The following SV2B variants were observed in gnomAD, a reference collection of about 807,000 sequenced individuals.
The protein encoded by SV2B is synaptic vesicle glycoprotein 2B.
In SV2B, 41 loss-of-function variants were observed where a neutral mutation model predicts 73.9. That is an observed-to-expected ratio of 0.56 (90% CI 0.43 to 0.72). The LOEUF (loss-of-function observed/expected upper bound fraction) is 0.72, where lower values mean the gene tolerates loss of function less well. SV2B is among the 30% of genes least tolerant of loss of function. The pLI is 0.00. For synonymous variants in SV2B, 314 were observed against 314.2 expected, an observed-to-expected ratio of 1.00 and a Z score of 0.01; for missense variants, 764 against 857.8, an observed-to-expected ratio of 0.89 and a Z score of 1.37.
At position 91,296,234 on chromosome 15, in the gene SV2B, G is replaced by A. The variant is rs1419662748; in HGVS notation, c.*3682G>A. 1 of 152,276 alleles carries A rather than the reference G, an allele frequency of 6.6e-6. No individual in the cohort carries two copies. The highest frequency in any genetic ancestry group is 2.4e-5 in the African/African-American group (1 of 41,472). The allele number at this position is 152,276 out of a possible 1,614,324, so 9.4% of individuals were successfully genotyped here. Reference sequence around the variant, plus strand: ...GGGGTAAGAATCCCCGTAGCCCTGGGAAAGGTGTCTCCACTTCCACATCTG... The same window carrying A: ...GGGGTAAGAATCCCCGTAGCCCTGGAAAAGGTGTCTCCACTTCCACATCTG... On this transcript the variant is annotated 3_prime_UTR_variant, in exon 13 of 13. Transcript: ENST00000394232.
chr15:91,249,580 C>T (rs920266889), intron 2 of SV2B, among the ~76,000 whole-genome samples: 3 of 151,994 alleles, frequency 2.0e-5, no homozygotes, highest in Non-Finnish European at 2.9e-5. Flanking sequence ...GTTAAAGGAT[C>T]GAGTTGGTTT....
chr15:91,226,097 A>G lies in SV2B; in HGVS notation c.-167A>G, dbSNP rs1249760616. ...TCTTTGCACAAATCTGGTTGATTTG[A>G]GAGATAAAGGGGGGGGGAACCAGTG... is the stretch of plus-strand genomic sequence containing the variant. On this transcript the variant is annotated 5_prime_UTR_variant, in exon 2 of 13. Transcript: ENST00000394232. 2 of 655,560 alleles carry G rather than the reference A, an allele frequency of 3.1e-6. No homozygotes were observed. The highest frequency in any genetic ancestry group is 3.7e-5 in the African/African-American group (2 of 54,704). 40.6% of individuals were successfully genotyped at this position (655,560 alleles called of 1,614,324 possible). A position where few individuals can be genotyped will look rare whatever the true frequency, so the allele number is the denominator to read the frequency against.
intron 2 of SV2B, among the ~76,000 whole-genome samples, chr15:91,244,836 A>G (rs2047161840): frequency 6.6e-6 from 1 of 152,204 alleles, no homozygotes; most frequent in African/African-American, 2.4e-5. Context: ...TATAGATGCA[A>G]TGGAAATGGT....
chr15:91,252,083 A>G lies in SV2B; in HGVS notation c.632+84A>G. ...TATTCTAGCTCCAAGAGGTAACTCTAGAAACCCTTGGACTGACTGAGTTTT... is the reference window on the plus strand; with the variant it reads ...TATTCTAGCTCCAAGAGGTAACTCTGGAAACCCTTGGACTGACTGAGTTTT... On this transcript the variant is annotated intron_variant, in intron 3 of 12. Transcript: ENST00000394232. This position sits in a 1 kb window ranked among gnomAD's most constrained non-coding sequence, Gnocchi z 4.6. 1.3e-6 allele frequency: 2 copies of G among 1,525,942 alleles called. No homozygotes were observed. Among genetic ancestry groups the G allele is most frequent in the Non-Finnish European group, 1.8e-6 (2 of 1,127,798 alleles). 94.5% of individuals were successfully genotyped at this position (1,525,942 alleles called of 1,614,324 possible).
chr15:91,274,932 T>C (rs572335277), intron 9 of SV2B, among the ~76,000 whole-genome samples: 71 of 152,288 alleles, frequency 4.7e-4, no homozygotes, highest in African/African-American at 1.6e-3. Flanking sequence ...AAGTTTACTA[T>C]CTGATATTAT....
intron 1 of SV2B, among the ~76,000 whole-genome samples, chr15:91,181,191 G>C (rs2044542576): frequency 6.6e-6 from 1 of 152,240 alleles, no homozygotes; most frequent in South Asian, 2.1e-4. Context: ...TTCAGCAGCA[G>C]TGTCTGCATA....
At chr15:91,274,745 C>A (rs1408049547) in intron 9 of SV2B, among the ~76,000 whole-genome samples, 2 of 152,102 alleles carry the variant, frequency 1.3e-5, no homozygotes, top group Non-Finnish European at 2.9e-5. Flanking sequence ...TATACTTGTG[C>A]TATGACCGGA....
chr15:91,229,480 T>G lies in SV2B; in HGVS notation c.451+2766T>G, dbSNP rs2046490956. ...CATTTGCAGTGAACTATAGCTGCAG[T>G]GAGATGACGAAGCAACGTGGCCCTG... On this transcript the variant is annotated intron_variant, in intron 2 of 12. Transcript: ENST00000394232. The surrounding 1 kb of genome is among the most constrained non-coding windows in gnomAD (Gnocchi z 4.3). Among the ~76,000 whole-genome samples, 2 of 152,150 alleles carry G rather than the reference T, an allele frequency of 1.3e-5. No homozygotes were observed. Among genetic ancestry groups the G allele is most frequent in the African/African-American group, 2.4e-5 (1 of 41,426 alleles).
At chr15:91,208,156 G>A (rs1015041873) in intron 1 of SV2B, among the ~76,000 whole-genome samples, 1 of 152,170 alleles carries the variant, frequency 6.6e-6, no homozygotes, top group African/African-American at 2.4e-5. Flanking sequence ...GATCTCAGTG[G>A]AAACAGCTGG....
At chr15:91,263,545 C>A (rs1054264701) in intron 6 of SV2B, among the ~76,000 whole-genome samples, 1 of 151,682 alleles carries the variant, frequency 6.6e-6, no homozygotes. Context: ...CACATTAAGA[C>A]AGACACACAG....
At chr15:91,112,401 T>C (rs1166006608) in intron 1 of SV2B, among the ~76,000 whole-genome samples, 1 of 152,192 alleles carries the variant, frequency 6.6e-6, no homozygotes, top group Admixed American at 6.5e-5. Context: ...TGGTTTGGTC[T>C]TGGTCACAGA....
intron 1 of SV2B, among the ~76,000 whole-genome samples, chr15:91,222,610 G>A (rs922064999): frequency 2.0e-5 from 3 of 152,270 alleles, no homozygotes; most frequent in Admixed American, 6.5e-5. Context: ...CTCTGCCAGC[G>A]ACTCTGCGTG....
intron 2 of SV2B, among the ~76,000 whole-genome samples, chr15:91,249,896 T>A (rs2047414961): frequency 6.6e-6 from 1 of 152,206 alleles, no homozygotes; most frequent in South Asian, 2.1e-4. Context: ...AAGAAAAGCC[T>A]AGGACCTGCT....
chr15:91,162,210 G>A (rs2043745806), intron 1 of SV2B, among the ~76,000 whole-genome samples: 2 of 152,104 alleles, frequency 1.3e-5, no homozygotes, highest in Admixed American at 6.6e-5. Flanking sequence ...AGAAAAATGT[G>A]TATGTCTTTA....
intron 2 of SV2B, among the ~76,000 whole-genome samples, chr15:91,248,953 C>A (rs934450652): frequency 2.0e-5 from 3 of 151,902 alleles, no homozygotes; most frequent in African/African-American, 7.3e-5. Flanking sequence ...CTGGAGCACT[C>A]CTCTAAGTCT....
chr15:91,145,876 A>G (rs1217037175), intron 1 of SV2B, among the ~76,000 whole-genome samples: 2 of 152,098 alleles, frequency 1.3e-5, no homozygotes, highest in Non-Finnish European at 2.9e-5. Flanking sequence ...TAGATGCTGG[A>G]TATTAGACCT....
At position 91,117,039 on chromosome 15, in the gene SV2B, T is replaced by A. The variant is rs191619494; in HGVS notation, c.-392+16676T>A. ...GGATTATGAAAGCTACAATTCAAGA[T>A]GAGATTTGGGTGGGGACACAGGCAA... is the stretch of plus-strand genomic sequence containing the variant. On this transcript the variant is annotated intron_variant, in intron 1 of 12. Transcript: ENST00000394232. Among the ~76,000 whole-genome samples the A allele has an allele frequency of 1.1e-4, 17 of 152,218 alleles. 1 individual carries two copies. The South Asian group carries it at 2.3e-3, about 20-fold the overall frequency.
At chr15:91,180,099 A>G (rs1355722395) in intron 1 of SV2B, among the ~76,000 whole-genome samples, 1 of 148,538 alleles carries the variant, frequency 6.7e-6, no homozygotes, top group Non-Finnish European at 1.5e-5. Context: ...TGGTGACAAA[A>G]TCTCTCAGCA....
Position 91,137,371 on chromosome 15 carries a change from G to A in SV2B, c.-392+37008G>A, listed in dbSNP as rs990530233. Among the ~76,000 whole-genome samples the A allele has an allele frequency of 4.6e-5, 7 of 151,968 alleles. No individual in the cohort carries two copies. The highest frequency in any genetic ancestry group is 3.4e-3 in the Middle Eastern group (1 of 294). On this transcript the variant is annotated intron_variant, in intron 1 of 12. Coordinates refer to ENST00000394232, the MANE Select transcript of SV2B (RefSeq NM_001323032.3). This position sits in a 1 kb window ranked among gnomAD's most constrained non-coding sequence, Gnocchi z 4.9. ...TGGAAGATGAGGGTGGCTTCAAAGC[G>A]TTTACCACAAAGCTATTATTTATTT... is the stretch of plus-strand genomic sequence containing the variant.
Sources: allele counts gnomAD v4.1 joint callset (sites outside exome capture counted in the v4.1 genomes callset), GRCh38; gene constraint gnomAD v4.1.1; non-coding constraint Gnocchi (gnomAD v3.1); transcripts MANE v1.5; gene names NCBI Gene and HGNC (gene_info 2026-07-23, HGNC 2026-07-21).